Variants in DYSF observed in about 807,000 individuals in gnomAD.
DYSF encodes dystrophy-associated fer-1-like 1.
Under a neutral mutation model 274.9 loss-of-function variants are expected in DYSF, and 212 were observed. That is an observed-to-expected ratio of 0.77 (90% confidence interval 0.69 to 0.86). The LOEUF is 0.86. Among genes scored for constraint, DYSF ranks in the 40% least tolerant of loss-of-function variants. The probability of loss-of-function intolerance (pLI) is 0.00; values close to 1 mark genes in which losing one functional copy is unlikely to be tolerated. For missense variants in DYSF, 2,666 were observed against 2,783.2 expected, an observed-to-expected ratio of 0.96 and a Z score of 0.95; for synonymous variants, 1,091 against 1,078.7, an observed-to-expected ratio of 1.01 and a Z score of -0.22.
At chr2:71,605,177 TC>T (rs1436906917) in intron 36 of DYSF, among the ~76,000 whole-genome samples, 1 of 152,226 alleles carries the variant, frequency 6.6e-6, no homozygotes, top group East Asian at 1.9e-4. Flanking sequence ...CACTCTCCTT[TC>T]GTGTTTCACT....
chr2:71,496,564 A>C lies in DYSF; in HGVS notation c.240-6650A>C, dbSNP rs376796321. 1.4e-4 allele frequency among the ~76,000 whole-genome samples: 21 copies of C among 152,160 alleles called. No homozygotes were observed. The East Asian group carries it at 3.5e-3, about 25-fold the overall frequency. ...CTGTCTATGTACCGACATAGACGGT[A>C]GGGGCTGTCCTGAGTTGCTGGAACC... On this transcript the variant is annotated intron_variant, in intron 3 of 55. Coordinates refer to ENST00000410020, the MANE Select transcript of DYSF (RefSeq NM_001130987.2).
chr2:71,663,048 C>CT (rs1553411904), intron 45 of DYSF, among the ~76,000 whole-genome samples: 9 of 29,706 alleles, frequency 3.0e-4, no homozygotes, highest in South Asian at 1.2e-3. Context: ...TGTGCGCGCA[C>CT]GCGCGTGGTG....
intron 41 of DYSF, among the ~76,000 whole-genome samples, chr2:71,627,289 G>A (rs1181575545): frequency 6.6e-6 from 1 of 151,508 alleles, no homozygotes; most frequent in Non-Finnish European, 1.5e-5. Flanking sequence ...TAATATTTTT[G>A]TTATTTCCCA....
intron 32 of DYSF, among the ~76,000 whole-genome samples, chr2:71,593,553 C>G (rs1160431562): frequency 1.3e-5 from 2 of 152,202 alleles, no homozygotes; most frequent in Non-Finnish European, 2.9e-5. Flanking sequence ...AACACGTCAC[C>G]AACACCACAC....
intron 21 of DYSF, among the ~76,000 whole-genome samples, chr2:71,555,160 G>A (rs1056719598): frequency 1.3e-5 from 2 of 152,150 alleles, no homozygotes; most frequent in Non-Finnish European, 2.9e-5. Context: ...GGAGACCAGC[G>A]AATGCTGAGA....
intron 32 of DYSF, among the ~76,000 whole-genome samples, chr2:71,590,498 G>T (rs1418578479): frequency 3.3e-5 from 5 of 152,152 alleles, no homozygotes; most frequent in Non-Finnish European, 7.3e-5. Flanking sequence ...TTCGCTGACT[G>T]TCCCCTCTTT....
intron 36 of DYSF, among the ~76,000 whole-genome samples, chr2:71,604,368 G>A (rs2093609991): frequency 1.3e-5 from 2 of 151,390 alleles, no homozygotes; most frequent in African/African-American, 4.9e-5. Flanking sequence ...GCAGCAGGGT[G>A]TTTCTGTCTT....
At chr2:71,643,782 C>T (rs2094523847) in intron 41 of DYSF, among the ~76,000 whole-genome samples, 183 bp from the exon 42 acceptor site, 1 of 152,214 alleles carries the variant, frequency 6.6e-6, no homozygotes, top group South Asian at 2.1e-4. Context: ...GAAACCTCTT[C>T]CTCAGTCTGC....
At chr2:71,462,176 A>T (rs116566730), upstream of DYSF, among the ~76,000 whole-genome samples, 3,476 of 152,292 alleles carry the variant, frequency 0.023, 56 homozygotes, top group African/African-American at 0.049. Flanking sequence ...CGAGCCAGGC[A>T]CTGAACAGCA....
Position 71,551,009 on chromosome 2 carries a change from C to T in DYSF, c.1577-32C>T, listed in dbSNP as rs150968842. The T allele has an allele frequency of 1.6e-4, 249 of 1,601,152 alleles. 2 individuals carry two copies. In the African/African-American group the frequency reaches 2.8e-3, roughly 18 times the overall value. The stretch of plus-strand genomic sequence containing the variant: ...GGAGCATTGGGAAGCCCCACTGGGC[C>T]GACCCCTCTGATTGCCACTTGTGTC... On this transcript the variant is annotated intron_variant, in intron 17 of 55. Coordinates refer to ENST00000410020, the MANE Select transcript of DYSF (RefSeq NM_001130987.2).
chr2:71,683,894 A>T (rs889510007), intron 55 of DYSF, among the ~76,000 whole-genome samples: 2 of 149,766 alleles, frequency 1.3e-5, no homozygotes, highest in Non-Finnish European at 3.0e-5. Flanking sequence ...TCAGAGAGGA[A>T]GAGAGTTATA....
In DYSF at chr2:71,481,955, C is replaced by T. The variant is rs767340310; in HGVS notation, c.224C>T (p.Thr75Met). 1.5e-5 allele frequency: 25 copies of T among 1,614,008 alleles called. No homozygotes were observed. The highest frequency in any genetic ancestry group is 2.7e-5 in the African/African-American group (2 of 75,012). The change falls in exon 3 of 56, where the codon ACG (threonine) becomes ATG (methionine). Residue 75 changes from threonine to methionine, a missense_variant. Coordinates refer to ENST00000410020, the MANE Select transcript of DYSF (RefSeq NM_001130987.2). ...ELHVVVKDHE[T>M]MGRNRFLGEA... is the part of the protein sequence containing the mutation. ...CATGTGGTGGTCAAAGACCATGAGA[C>T]GATGGGGAGGAACAGGTAAGGTGGC...
chr2:71,536,430 G>A (rs572703866), intron 16 of DYSF, among the ~76,000 whole-genome samples: 6 of 152,378 alleles, frequency 3.9e-5, no homozygotes, highest in Admixed American at 1.3e-4. Flanking sequence ...CAGCGACCAC[G>A]GGTATGTACT....
At chr2:71,540,660 ATTATT>A (rs1180696817) in intron 17 of DYSF, among the ~76,000 whole-genome samples, 1 of 150,768 alleles carries the variant, frequency 6.6e-6, no homozygotes, top group African/African-American at 2.4e-5. Context: ...TATTTAAATA[ATTATT>A]TTATATTTAT....
chr2:71,611,610 C>A lies in DYSF; in HGVS notation c.4205C>A (p.Thr1402Asn). 1 of 1,613,936 alleles carries A rather than the reference C, an allele frequency of 6.2e-7. No homozygotes were observed. The highest frequency in any genetic ancestry group is 8.5e-7 in the Non-Finnish European group (1 of 1,179,998). ...AAGAACCCCAACTTTGACATCTGCA[C>A]CCTCTTCATGGAAGTGGTGAGCCCC... ...LRKNPNFDIC[T>N]LFMEVMLPRE... Residue 1402 changes from threonine to asparagine, a missense_variant, in exon 38 of 56, where the codon ACC becomes AAC. Coordinates refer to ENST00000410020, the MANE Select transcript of DYSF (RefSeq NM_001130987.2).
intron 16 of DYSF, 78 bp from the exon 17 acceptor site, chr2:71,539,079 A>G: frequency 1.5e-6 from 2 of 1,321,720 alleles, no homozygotes; most frequent in African/African-American, 1.4e-5. Context: ...TGTGTAACCG[A>G]GGCCGCATAC....
intron 1 of DYSF, among the ~76,000 whole-genome samples, chr2:71,469,132 C>T (rs1380783278): frequency 3.3e-5 from 5 of 152,092 alleles, no homozygotes; most frequent in Admixed American, 6.6e-5. Context: ...ATTTTGGAAC[C>T]GCATCTTGGG....
intron 17 of DYSF, among the ~76,000 whole-genome samples, chr2:71,544,875 C>T (rs2090342277): frequency 6.6e-6 from 1 of 152,226 alleles, no homozygotes; most frequent in African/African-American, 2.4e-5. Context: ...GCTTATTGAA[C>T]ATATGCCTTC....
rs144120205 is a variant in DYSF, at chr2:71,638,951, A to G, written c.4528-5014A>G. On this transcript the variant is annotated intron_variant, in intron 41 of 55. Coordinates refer to ENST00000410020, the MANE Select transcript of DYSF (RefSeq NM_001130987.2). ...TGCAACATTTTACATCCTCACCAGC[A>G]GTGTACAAGGGTTCCAATTTCTCTA... Among the ~76,000 whole-genome samples the G allele has an allele frequency of 3.2e-3, 488 of 152,358 alleles. 3 individuals are homozygous for G. The highest frequency in any genetic ancestry group is 0.011 in the African/African-American group (461 of 41,598).
Sources: allele counts gnomAD v4.1 joint callset (sites outside exome capture counted in the v4.1 genomes callset), GRCh38; gene constraint gnomAD v4.1.1; transcripts MANE v1.5; gene names NCBI Gene and HGNC (gene_info 2026-07-23, HGNC 2026-07-21).